The following KDM4C variants were observed in gnomAD, a reference collection of about 807,000 sequenced individuals.
KDM4C encodes the protein lysine demethylase 4C, also known as lysine-specific demethylase 4C.
In KDM4C, 81 loss-of-function variants were observed where a neutral mutation model predicts 129.3. The observed-to-expected ratio is 0.63, with a 90% CI of 0.52 to 0.75. KDM4C has a LOEUF of 0.75. KDM4C is among the 30% of genes least tolerant of loss of function. The pLI is 0.00. For missense variants in KDM4C, 1,457 were observed against 1,304.0 expected (o/e 1.12, Z -1.81); for synonymous variants, 573 against 456.1 (o/e 1.26, Z -3.26).
intron 1 of KDM4C, among the ~76,000 whole-genome samples, chr9:6,760,460 T>TATATATATATATATATATATAA (rs1189091893): frequency 3.3e-5 from 5 of 150,352 alleles, no homozygotes; most frequent in African/African-American, 1.2e-4. Flanking sequence ...TATATATATA[T>TATATATATATATATATATATAA]ATATAATGTA....
chr9:7,042,103 C>T (rs995478143), intron 15 of KDM4C, among the ~76,000 whole-genome samples: 8 of 151,956 alleles, frequency 5.3e-5, no homozygotes, highest in Admixed American at 4.6e-4. Context: ...AACTACTGTA[C>T]CTTTCGTATT....
At chr9:6,796,957 C>A (rs764096780) in intron 2 of KDM4C, among the ~76,000 whole-genome samples, 3 of 151,764 alleles carry the variant, frequency 2.0e-5, no homozygotes, top group African/African-American at 4.8e-5. Flanking sequence ...TCCTGGGGAA[C>A]CGAGCCACCC....
intron 8 of KDM4C, among the ~76,000 whole-genome samples, chr9:6,919,723 G>A (rs1821125835): frequency 6.6e-6 from 1 of 151,736 alleles, no homozygotes; most frequent in Non-Finnish European, 1.5e-5. Flanking sequence ...CTACAGGCGT[G>A]CACCACCATG....
intron 5 of KDM4C, among the ~76,000 whole-genome samples, chr9:6,853,216 G>A (rs1267559833): frequency 1.3e-5 from 2 of 152,116 alleles, no homozygotes; most frequent in African/African-American, 2.4e-5. Flanking sequence ...GCCCAGGTGC[G>A]GTTGCTCATG....
intron 8 of KDM4C, among the ~76,000 whole-genome samples, chr9:6,916,662 G>T (rs544035251): frequency 1.2e-4 from 18 of 152,322 alleles, no homozygotes. Context: ...TAATTTATAT[G>T]TGTGAATAAA....
intron 19 of KDM4C, among the ~76,000 whole-genome samples, chr9:7,142,127 G>T (rs1461757915): frequency 1.3e-5 from 2 of 152,186 alleles, no homozygotes; most frequent in African/African-American, 4.8e-5. Context: ...TTGAGCATAT[G>T]ATTACACATA....
chr9:6,908,683 G>T (rs776937820), intron 8 of KDM4C, among the ~76,000 whole-genome samples: 6 of 151,954 alleles, frequency 3.9e-5, no homozygotes, highest in Non-Finnish European at 8.8e-5. Flanking sequence ...CTGAGGTGGG[G>T]GGTGGGGAGG....
intron 8 of KDM4C, among the ~76,000 whole-genome samples, chr9:6,903,599 A>G (rs1314926884): frequency 6.6e-6 from 1 of 152,236 alleles, no homozygotes; most frequent in African/African-American, 2.4e-5. Context: ...TGCCAGTTTT[A>G]TCAGTGAAAA....
chr9:7,097,812 A>G (rs1167124521), intron 17 of KDM4C, among the ~76,000 whole-genome samples: 4 of 151,974 alleles, frequency 2.6e-5, no homozygotes, highest in African/African-American at 9.7e-5. Flanking sequence ...TATCTTTTTC[A>G]TTTTTTCATC....
chr9:6,753,928 GC>G (rs1818158218), upstream of KDM4C, among the ~76,000 whole-genome samples: 1 of 131,062 alleles, frequency 7.6e-6, no homozygotes, highest in Non-Finnish European at 1.5e-5. Flanking sequence ...AGGCTGGAGT[GC>G]AGTGGCACGA....
At chr9:6,858,110 A>G (rs759278547) in intron 5 of KDM4C, among the ~76,000 whole-genome samples, 1 of 151,924 alleles carries the variant, frequency 6.6e-6, no homozygotes, top group Non-Finnish European at 1.5e-5. Flanking sequence ...TTGAGCCACT[A>G]TGCCTGGCAG....
intron 8 of KDM4C, among the ~76,000 whole-genome samples, chr9:6,953,606 A>G (rs74754844): frequency 0.047 from 7,207 of 152,262 alleles, 267 homozygotes; most frequent in East Asian, 0.14. Context: ...ATTTTGTTTC[A>G]AATAAAAGTC....
chr9:7,081,670 G>C (rs1046592991), intron 17 of KDM4C, among the ~76,000 whole-genome samples: 1 of 152,184 alleles, frequency 6.6e-6, no homozygotes, highest in Non-Finnish European at 1.5e-5. Flanking sequence ...CGAGCCCAGA[G>C]CCTACAGGGA....
chr9:6,792,453 A>G (rs1451390491), intron 1 of KDM4C, among the ~76,000 whole-genome samples: 1 of 151,706 alleles, frequency 6.6e-6, no homozygotes, highest in Non-Finnish European at 1.5e-5. Flanking sequence ...CAGTGGCGAG[A>G]TCTTGGCTCA....
chr9:6,765,304 T>G (rs1463696219), intron 1 of KDM4C, among the ~76,000 whole-genome samples: 1 of 152,178 alleles, frequency 6.6e-6, no homozygotes. Flanking sequence ...TTTGCCTGAC[T>G]GATTTCTCCT....
intron 7 of KDM4C, among the ~76,000 whole-genome samples, chr9:6,891,052 A>G (rs992898864): frequency 2.6e-5 from 4 of 152,206 alleles, no homozygotes; most frequent in East Asian, 1.9e-4. Flanking sequence ...CCCCATCTCC[A>G]ATACCATTTT....
intron 11 of KDM4C, among the ~76,000 whole-genome samples, chr9:6,989,878 G>C (rs896325925): frequency 4.6e-5 from 7 of 151,982 alleles, no homozygotes; most frequent in African/African-American, 1.7e-4. Context: ...GGGCTCAAGG[G>C]ATCCTCCCAC....
intron 4 of KDM4C, among the ~76,000 whole-genome samples, chr9:6,820,721 T>C (rs1414152222): frequency 1.9e-4 from 29 of 149,934 alleles, no homozygotes; most frequent in Middle Eastern, 3.4e-3. Flanking sequence ...TCTCTTTTTT[T>C]TTTTTTTTTT....
chr9:6,887,877 A>T (rs1364154753), intron 6 of KDM4C, 83 bp from the exon 7 acceptor site: 20 of 833,934 alleles, frequency 2.4e-5, no homozygotes, highest in Non-Finnish European at 3.8e-5. Flanking sequence ...CAGTAAGAAC[A>T]CTAGAACTTA....
Sources: gnomAD v4.1 joint callset for allele counts (sites outside exome capture counted in the v4.1 genomes callset) on GRCh38, gnomAD v4.1.1 for gene constraint, MANE v1.5 for transcripts, NCBI Gene and HGNC (gene_info 2026-07-23, HGNC 2026-07-21) for gene names.